The following PCNX2 variants were observed in gnomAD, a reference collection of about 807,000 sequenced individuals.
The protein encoded by PCNX2 is pecanex 2, also known as pecanex-like protein 2.
A neutral mutation model predicts 223.8 loss-of-function variants in PCNX2; 168 were observed. The observed-to-expected ratio is 0.75, with a 90% CI of 0.66 to 0.85. The LOEUF (loss-of-function observed/expected upper bound fraction) is 0.85, where lower values mean the gene tolerates loss of function less well. PCNX2 is among the 40% of genes least tolerant of loss of function. The pLI, the probability that PCNX2 is intolerant of heterozygous loss-of-function variation, is 0.00. For synonymous variants in PCNX2, 1,006 were observed against 1,052.6 expected, an observed-to-expected ratio of 0.96 and a Z score of 0.86; for missense variants, 2,507 against 2,675.5, an observed-to-expected ratio of 0.94 and a Z score of 1.39.
At chr1:233,121,179 G>C (rs1331399254) in intron 21 of PCNX2, among the ~76,000 whole-genome samples, 1 of 151,986 alleles carries the variant, frequency 6.6e-6, no homozygotes, top group Non-Finnish European at 1.5e-5. Context: ...AGAAACCAAA[G>C]ACTATCTAAA....
chr1:233,180,147 T>A (rs566337586), intron 15 of PCNX2, among the ~76,000 whole-genome samples: 1 of 152,364 alleles, frequency 6.6e-6, no homozygotes, highest in African/African-American at 2.4e-5. Flanking sequence ...TATTTCTTTG[T>A]GGCACCAGGG....
chr1:233,269,695 A>T (rs780477307), intron 1 of PCNX2, among the ~76,000 whole-genome samples: 3 of 152,212 alleles, frequency 2.0e-5, no homozygotes, highest in Non-Finnish European at 4.4e-5. Context: ...TACTCAGAAT[A>T]TGTGGCCTAA....
At chr1:233,185,584 T>C (rs1365486977) in intron 15 of PCNX2, among the ~76,000 whole-genome samples, 1 of 152,220 alleles carries the variant, frequency 6.6e-6, no homozygotes, top group Non-Finnish European at 1.5e-5. Flanking sequence ...TGGAAACCTA[T>C]TGAGCTACCT....
At chr1:233,184,633 A>T (rs1461959740) in intron 15 of PCNX2, among the ~76,000 whole-genome samples, 1 of 152,190 alleles carries the variant, frequency 6.6e-6, no homozygotes, top group Non-Finnish European at 1.5e-5. Context: ...GACAGCTGTT[A>T]CACTCCTGGT....
chr1:233,275,004 C>T (rs533073602), intron 1 of PCNX2, among the ~76,000 whole-genome samples: 5 of 152,248 alleles, frequency 3.3e-5, no homozygotes, highest in South Asian at 4.1e-4. Flanking sequence ...ATTGTTGCAG[C>T]GTTTGATGAA....
At chr1:233,296,426 T>C (rs547408698), upstream of PCNX2, among the ~76,000 whole-genome samples, 3 of 152,294 alleles carry the variant, frequency 2.0e-5, no homozygotes, top group South Asian at 2.1e-4. Flanking sequence ...TAATCCCAGG[T>C]ATTTAACTGG....
At chr1:233,080,968 AGATGTGT>A (rs1308251328) in intron 23 of PCNX2, among the ~76,000 whole-genome samples, 3 of 152,190 alleles carry the variant, frequency 2.0e-5, no homozygotes, top group Non-Finnish European at 2.9e-5. Context: ...TCCCTTTCCC[AGATGTGT>A]GAAGTTATTT....
intron 19 of PCNX2, among the ~76,000 whole-genome samples, chr1:233,146,069 G>A (rs1187812200): frequency 6.6e-6 from 1 of 152,190 alleles, no homozygotes; most frequent in Non-Finnish European, 1.5e-5. Flanking sequence ...ACGGTCCCAA[G>A]CATTTTAAAT....
At chr1:233,211,945 G>C (rs1572086193) in intron 12 of PCNX2, 3 of 309,172 alleles carry the variant, frequency 9.7e-6, no homozygotes, top group African/African-American at 6.8e-5. Flanking sequence ...GACATTCTCT[G>C]CCCATTTCTC....
chr1:233,266,010 A>G (rs1413438092), intron 1 of PCNX2, among the ~76,000 whole-genome samples: 1 of 152,224 alleles, frequency 6.6e-6, no homozygotes, highest in African/African-American at 2.4e-5. Flanking sequence ...GCATCTAGCT[A>G]GCAACCCAAG....
rs1207990726 is a variant in PCNX2, at chr1:233,000,284, C to T, written c.5328+21G>A. On this transcript the variant is annotated intron_variant, in intron 30 of 33. Transcript: ENST00000258229. This position sits in a 1 kb window ranked among gnomAD's most constrained non-coding sequence, Gnocchi z 4.6. ...GAGAGACACGAGCCAACAGGGGACC[C>T]AGAAAGTGTGGCCGCCATACCTTGA... 1 of 1,611,166 alleles carries T rather than the reference C, an allele frequency of 6.2e-7. No individual in the cohort carries two copies. Among genetic ancestry groups the T allele is most frequent in the Admixed American group, 1.7e-5 (1 of 59,998 alleles).
intron 28 of PCNX2, among the ~76,000 whole-genome samples, chr1:233,002,706 A>G (rs1215056692): frequency 1.3e-5 from 2 of 152,232 alleles, no homozygotes; most frequent in African/African-American, 4.8e-5. Context: ...ATACAATCCT[A>G]AGCAAAAAGA....
At chr1:233,134,312 T>C (rs868492774) in intron 21 of PCNX2, among the ~76,000 whole-genome samples, 10 of 152,188 alleles carry the variant, frequency 6.6e-5, no homozygotes, top group African/African-American at 2.4e-4. Context: ...GATATGGTCA[T>C]GGAGAACTCC....
intron 17 of PCNX2, among the ~76,000 whole-genome samples, chr1:233,166,216 A>G (rs574924313): frequency 2.6e-5 from 4 of 152,124 alleles, no homozygotes; most frequent in African/African-American, 7.2e-5. Context: ...AAATTAAACA[A>G]TAACAAAAAC....
the PCNX2 span, among the ~76,000 whole-genome samples, chr1:233,318,563 C>CTTTTTTTTTTTTTTT: frequency 4.3e-4 from 40 of 92,500 alleles, no homozygotes; most frequent in African/African-American, 1.2e-3. Flanking sequence ...TTTTCTTTTT[C>CTTTTTTTTTTTTTTT]TTTTTTTTTT....
At chr1:233,067,080 C>T (rs1205417796) in intron 23 of PCNX2, among the ~76,000 whole-genome samples, 2 of 151,946 alleles carry the variant, frequency 1.3e-5, no homozygotes, top group Non-Finnish European at 1.5e-5. Context: ...GCAGCAACCC[C>T]TTTTCTCCTG....
At chr1:233,035,366 A>C (rs1671418707) in intron 25 of PCNX2, among the ~76,000 whole-genome samples, 1 of 152,248 alleles carries the variant, frequency 6.6e-6, no homozygotes. Flanking sequence ...AAAAAAATCC[A>C]AAATTTCATC....
chr1:233,154,923 G>T (rs1417389103), intron 19 of PCNX2, among the ~76,000 whole-genome samples: 1 of 152,028 alleles, frequency 6.6e-6, no homozygotes, highest in Admixed American at 6.6e-5. Context: ...ACAAAAATTA[G>T]CAGGGTATAG....
chr1:233,288,804 C>CTTTTT, intron 1 of PCNX2: 3 of 432,758 alleles, frequency 6.9e-6, no homozygotes, highest in African/African-American at 2.7e-5. Flanking sequence ...GAAAGATGCC[C>CTTTTT]TTTTTTTTTT....
Sources: gnomAD v4.1 joint callset for allele counts (sites outside exome capture counted in the v4.1 genomes callset) on GRCh38, gnomAD v4.1.1 for gene constraint, Gnocchi (gnomAD v3.1) non-coding constraint, MANE v1.5 for transcripts, NCBI Gene and HGNC (gene_info 2026-07-23, HGNC 2026-07-21) for gene names.